The following RFC5 variants were observed in gnomAD, a reference collection of about 807,000 sequenced individuals.
The protein encoded by RFC5 is replication factor C subunit 5.
A neutral mutation model predicts 44.3 loss-of-function variants in RFC5; 26 were observed. The observed-to-expected ratio is 0.59, with a 90% CI of 0.43 to 0.81. RFC5 has a LOEUF of 0.81. Ranked by LOEUF, RFC5 falls within the 40% of genes least tolerant of loss-of-function variation. The pLI, the probability that RFC5 is intolerant of heterozygous loss-of-function variation, is 0.00. For missense variants in RFC5, 328 were observed against 418.6 expected, an observed-to-expected ratio of 0.78 and a Z score of 1.89; for synonymous variants, 155 against 155.2, an observed-to-expected ratio of 1.00 and a Z score of 0.01.
At chr12:118,025,551 G>A in intron 6 of RFC5, 196 bp from the exon 7 acceptor site, 1 of 503,238 alleles carries the variant, frequency 2.0e-6, no homozygotes. Flanking sequence ...TTGGTTGGCT[G>A]TGACTACTAA....
chr12:118,019,134 C>T lies in RFC5; in HGVS notation c.128C>T (p.Thr43Ile), dbSNP rs755946136. The T allele has an allele frequency of 1.9e-6, 3 of 1,609,784 alleles. No individual in the cohort carries two copies. The South Asian group carries it at 3.3e-5, about 18-fold the overall frequency. Residue 43 changes from threonine (T) to isoleucine (I), a missense_variant and splice_region_variant, in exon 2 of 11, where the codon ACC becomes ATC. Coordinates refer to ENST00000454402, the MANE Select transcript of RFC5 (RefSeq NM_007370.7). The surrounding 1 kb of genome is among the most constrained non-coding windows in gnomAD (Gnocchi z 4.2). ...DLISHQDILS[T>I]IQKFINEDRL... ...ATTTCTCATCAGGACATTCTGAGTACCAGTAAGTATTCATGTGTCAGTTGC... is the reference window on the plus strand; with the variant it reads ...ATTTCTCATCAGGACATTCTGAGTATCAGTAAGTATTCATGTGTCAGTTGC...
At chr12:118,020,208 G>T (rs994127251) in intron 3 of RFC5, among the ~76,000 whole-genome samples, 5 of 152,168 alleles carry the variant, frequency 3.3e-5, no homozygotes, top group African/African-American at 1.2e-4. Context: ...AGTGATGCCT[G>T]GGCCTTCCCT....
In RFC5 at chr12:118,028,012, C is replaced by T; in HGVS notation, c.853C>T (p.His285Tyr). The T allele has an allele frequency of 6.2e-7, 1 of 1,607,032 alleles. No individual in the cohort carries two copies. The highest frequency in any genetic ancestry group is 8.5e-7 in the Non-Finnish European group (1 of 1,174,110). Residue 285 changes from histidine (H) to tyrosine (Y), a missense_variant, in exon 9 of 11, where the codon CAC becomes TAC. His to Tyr is a moderately conservative substitution (Grantham distance 83). Transcript: ENST00000454402. ...LALHDILTEIHLFVHRVDFPS... is the reference protein window; with the variant it reads ...LALHDILTEIYLFVHRVDFPS... ...ACTGCATGATATCCTGACAGAGATA[C>T]ACTTGTTTGTGCATAGAGGTAACTT...
chr12:118,036,303 C>T, downstream of RFC5: 1 of 1,597,904 alleles, frequency 6.3e-7, no homozygotes. Context: ...ATCAGTCCCC[C>T]CACAAAAAAG....
intron 4 of RFC5, among the ~76,000 whole-genome samples, chr12:118,021,320 TC>T (rs2030474700): frequency 6.6e-6 from 1 of 152,040 alleles, no homozygotes; most frequent in South Asian, 2.1e-4. Context: ...CAAGCGATCT[TC>T]CAGCCTCAGC....
At chr12:118,023,573 C>T (rs1374963394) in intron 5 of RFC5, among the ~76,000 whole-genome samples, 2 of 151,956 alleles carry the variant, frequency 1.3e-5, no homozygotes, top group Non-Finnish European at 2.9e-5. Context: ...AGCCTTTCTT[C>T]GGCATCTTGT....
intron 1 of RFC5, 87 bp downstream of exon 1, chr12:118,016,979 C>A: frequency 9.3e-7 from 1 of 1,075,320 alleles, no homozygotes; most frequent in Non-Finnish European, 1.4e-6. Context: ...GGTGACCGGA[C>A]CCCAACCCGA....
Position 118,027,801 on chromosome 12 carries a change from T to C in RFC5, c.794-152T>C, listed in dbSNP as rs1426003395. ...AACAAAGAAAAATAAAGAATTGGAGTCCAACACGTGCAGCTTCAAGTTGAA... is the reference window on the plus strand; with the variant it reads ...AACAAAGAAAAATAAAGAATTGGAGCCCAACACGTGCAGCTTCAAGTTGAA... On this transcript the variant is annotated intron_variant, in intron 8 of 10. Coordinates refer to ENST00000454402, the MANE Select transcript of RFC5 (RefSeq NM_007370.7). 9.0e-6 allele frequency: 5 copies of C among 554,558 alleles called. No homozygotes were observed. The African/African-American group carries it at 9.5e-5, about 10-fold the overall frequency. The allele number at this position is 554,558 out of a possible 1,614,324, so 34.4% of individuals were successfully genotyped here.
At chr12:118,026,615 G>T (rs1211000855) in intron 7 of RFC5, among the ~76,000 whole-genome samples, 1 of 152,134 alleles carries the variant, frequency 6.6e-6, no homozygotes, top group Non-Finnish European at 1.5e-5. Flanking sequence ...CAAAGAGAGA[G>T]CAAAAGAAAA....
the RFC5 span, among the ~76,000 whole-genome samples, chr12:118,040,512 G>T: frequency 6.6e-6 from 1 of 152,250 alleles, no homozygotes; most frequent in Non-Finnish European, 1.5e-5. Flanking sequence ...TGTAATCCCA[G>T]CACTTTGGGA....
At chr12:118,034,420 G>T, downstream of RFC5, 25 of 1,565,268 alleles carry the variant, frequency 1.6e-5, 1 homozygote, top group Non-Finnish European at 1.7e-5. Flanking sequence ...TCATGAGGAT[G>T]AATACTCATG....
Position 118,016,712 on chromosome 12 carries a change from T to A in RFC5, c.-116T>A. The A allele has an allele frequency of 1.2e-6, 1 of 852,206 alleles. No individual in the cohort carries two copies. The highest frequency in any genetic ancestry group is 1.9e-6 in the Non-Finnish European group (1 of 521,332). 52.8% of individuals were successfully genotyped at this position (852,206 alleles called of 1,614,324 possible). A position where few individuals can be genotyped will look rare whatever the true frequency, so the allele number is the denominator to read the frequency against. Reference sequence around the variant, plus strand: ...GGTGGCCGCGTCTCGCGAGAGTTGCTTTTGCGCGCGAACTGTAAGTGCCAG... The same window carrying A: ...GGTGGCCGCGTCTCGCGAGAGTTGCATTTGCGCGCGAACTGTAAGTGCCAG... On this transcript the variant is annotated 5_prime_UTR_variant, in exon 1 of 11. Transcript: ENST00000454402.
downstream of RFC5, chr12:118,035,871 A>G (rs867136429): frequency 6.1e-6 from 1 of 164,446 alleles, no homozygotes; most frequent in South Asian, 1.6e-4. Flanking sequence ...AAGACACTCA[A>G]AGCTACTTGA....
chr12:118,024,185 T>C (rs377724809), intron 5 of RFC5, among the ~76,000 whole-genome samples: 15 of 151,670 alleles, frequency 9.9e-5, no homozygotes, highest in South Asian at 6.3e-4. Context: ...ACTAAAAATA[T>C]AAAAAATTAG....
In RFC5 at chr12:118,031,343, A is replaced by G. The variant is rs1663002400; in HGVS notation, c.*65A>G. Reference sequence around the variant, plus strand: ...TGATGGGAGAACAGAGGACAGTTCCAGGATAAACTGCTGCCTGGGGCTGTG... The same window carrying G: ...TGATGGGAGAACAGAGGACAGTTCCGGGATAAACTGCTGCCTGGGGCTGTG... On this transcript the variant is annotated 3_prime_UTR_variant, in exon 11 of 11. Transcript: ENST00000454402. The G allele has an allele frequency of 1.8e-6, 2 of 1,084,362 alleles. No individual in the cohort carries two copies. Among genetic ancestry groups the G allele is most frequent in the Non-Finnish European group, 2.8e-6 (2 of 718,386 alleles). 67.2% of individuals were successfully genotyped at this position (1,084,362 alleles called of 1,614,324 possible).
intron 5 of RFC5, among the ~76,000 whole-genome samples, chr12:118,024,456 C>T (rs1297201658): frequency 1.3e-5 from 2 of 151,906 alleles, no homozygotes; most frequent in Non-Finnish European, 2.9e-5. Flanking sequence ...GACAGAGTCT[C>T]ACTCTGTTGC....
intron 10 of RFC5, among the ~76,000 whole-genome samples, chr12:118,030,177 TG>T (rs1464282680): frequency 1.3e-5 from 2 of 152,104 alleles, no homozygotes; most frequent in South Asian, 2.1e-4. Context: ...TAAAGCATAT[TG>T]GGGGGAAAAG....
At chr12:118,029,943 A>G (rs1485886109) in intron 10 of RFC5, 118 bp downstream of exon 10, 4 of 773,052 alleles carry the variant, frequency 5.2e-6, no homozygotes, top group South Asian at 1.5e-5. Context: ...ATACGGTACA[A>G]TCTAGTCTGG....
Position 118,024,950 on chromosome 12 carries a change from T to A in RFC5, c.521T>A (p.Phe174Tyr), listed in dbSNP as rs1339137871. Residue 174 changes from phenylalanine to tyrosine, a missense_variant, in exon 6 of 11, where the codon TTC becomes TAC. Physicochemically the swap from Phe to Tyr is conservative, Grantham distance 22 (BLOSUM62 3). Coordinates refer to ENST00000454402, the MANE Select transcript of RFC5 (RefSeq NM_007370.7). ...ALQSRCTRFRFGPLTPELMVP... is the reference protein window; with the variant it reads ...ALQSRCTRFRYGPLTPELMVP... ...CAGTCCCGCTGCACGAGGTTTCGGT[T>A]CGGTCCCCTGACTCCTGAACTCATG... 1.2e-6 allele frequency: 2 copies of A among 1,614,070 alleles called. No individual in the cohort carries two copies. Among genetic ancestry groups the A allele is most frequent in the African/African-American group, 2.7e-5 (2 of 74,936 alleles).
Sources: allele counts gnomAD v4.1 joint callset (sites outside exome capture counted in the v4.1 genomes callset), GRCh38; gene constraint gnomAD v4.1.1; non-coding constraint Gnocchi (gnomAD v3.1); transcripts MANE v1.5; gene names NCBI Gene and HGNC (gene_info 2026-07-23, HGNC 2026-07-21).